SPARCL1: variants seen among roughly 807,000 people sequenced by gnomAD.
SPARCL1 encodes the protein SPARC like 1.
SPARCL1 carries 52 observed loss-of-function variants against 67.1 expected under a neutral mutation model. The ratio of observed to expected loss-of-function variants is 0.78; its 90% CI spans 0.62 to 0.98. The LOEUF is 0.98. SPARCL1 is among the 50% of genes least tolerant of loss of function. The pLI is 0.00. For synonymous variants in SPARCL1, 226 were observed against 267.8 expected (o/e 0.84, Z 1.52); for missense variants, 717 against 782.4 (o/e 0.92, Z 1.00).
chr4:87,511,689 G>T lies in SPARCL1; in HGVS notation c.-11-12104C>A, dbSNP rs182937070. Among the ~76,000 whole-genome samples the T allele has an allele frequency of 5.3e-5, 8 of 152,204 alleles. No individual in the cohort carries two copies. In the East Asian group the frequency reaches 1.4e-3, roughly 26 times the overall value. Reference sequence around the variant, plus strand: ...GAGAGTTCAAAGCAAACAAGGTCAGGAAATTATCCATTGCCTCTGGAAGTG... The same window carrying T: ...GAGAGTTCAAAGCAAACAAGGTCAGTAAATTATCCATTGCCTCTGGAAGTG... On this transcript the variant is annotated intron_variant, in intron 1 of 10. Coordinates refer to ENST00000282470, the MANE Select transcript of SPARCL1 (RefSeq NM_004684.6).
At chr4:87,508,306 C>T (rs1725192694) in intron 1 of SPARCL1, among the ~76,000 whole-genome samples, 1 of 151,960 alleles carries the variant, frequency 6.6e-6, no homozygotes, top group Non-Finnish European at 1.5e-5. Context: ...AAGCATGCTC[C>T]CACCTCAACC....
At position 87,485,330 on chromosome 4, in the gene SPARCL1, G is replaced by GT. The variant is rs543281083; in HGVS notation, c.1532-2771dup. 1.4e-4 allele frequency among the ~76,000 whole-genome samples: 21 copies of GT among 152,216 alleles called. No homozygotes were observed. In the East Asian group the frequency reaches 4.0e-3, roughly 29 times the overall value. On this transcript the variant is annotated intron_variant, in intron 7 of 10. Transcript: ENST00000282470. ...CTGCATCTATTGAGATAATCATGTG[G>GT]TTTTTGTCATTAGTTCTGTTTATGT... is the stretch of plus-strand genomic sequence containing the variant.
intron 10 of SPARCL1, 94 bp from the exon 11 acceptor site, chr4:87,473,897 T>G (rs190747663): frequency 5.8e-5 from 48 of 824,518 alleles, no homozygotes; most frequent in Admixed American, 2.5e-4. Flanking sequence ...AGAAACCATC[T>G]AATAAGGCAG....
chr4:87,490,753 T>C lies in SPARCL1; in HGVS notation c.1410+7A>G. 3 of 1,556,444 alleles carry C rather than the reference T, an allele frequency of 1.9e-6. No homozygotes were observed. The highest frequency in any genetic ancestry group is 2.6e-6 in the Non-Finnish European group (3 of 1,135,774). The stretch of plus-strand genomic sequence containing the variant: ...GCCACTTAAAGACTATTTTGCAGAA[T>C]ACTTACTTGATCAAGGGGTTTTGTT... On this transcript the variant is annotated splice_region_variant and intron_variant, in intron 6 of 10. Coordinates refer to ENST00000282470, the MANE Select transcript of SPARCL1 (RefSeq NM_004684.6).
intron 1 of SPARCL1, among the ~76,000 whole-genome samples, chr4:87,503,881 T>C (rs1267441700): frequency 6.6e-6 from 1 of 151,988 alleles, no homozygotes; most frequent in Non-Finnish European, 1.5e-5. Flanking sequence ...GGTTTCGCCA[T>C]GTTGCCCAGG....
intron 1 of SPARCL1, chr4:87,504,872 T>C (rs1213837821): frequency 6.6e-6 from 1 of 152,204 alleles, no homozygotes; most frequent in Non-Finnish European, 1.5e-5. Context: ...TCTTAGAAGG[T>C]TGGTTGGATT....
chr4:87,502,914 G>A (rs947613979), intron 1 of SPARCL1, among the ~76,000 whole-genome samples: 6 of 152,188 alleles, frequency 3.9e-5, no homozygotes, highest in African/African-American at 1.2e-4. Context: ...GATATTACAG[G>A]GAGATTTTCT....
chr4:87,483,452 T>C (rs1352428768), intron 7 of SPARCL1, among the ~76,000 whole-genome samples: 1 of 152,242 alleles, frequency 6.6e-6, no homozygotes, highest in African/African-American at 2.4e-5. Context: ...TTCCATGGTG[T>C]ATATGTGTCA....
intron 1 of SPARCL1, among the ~76,000 whole-genome samples, chr4:87,509,527 A>C (rs1194021646): frequency 6.6e-6 from 1 of 152,192 alleles, no homozygotes; most frequent in Non-Finnish European, 1.5e-5. Flanking sequence ...TAGCTGTATG[A>C]AGGATGTTCT....
intron 7 of SPARCL1, among the ~76,000 whole-genome samples, chr4:87,487,516 G>T (rs533644927): frequency 3.3e-5 from 5 of 152,160 alleles, no homozygotes; most frequent in Non-Finnish European, 5.9e-5. Context: ...CTGTCTGGCT[G>T]CCCTTAACAT....
chr4:87,526,524 C>T (rs1390917658), intron 1 of SPARCL1, among the ~76,000 whole-genome samples: 4 of 152,162 alleles, frequency 2.6e-5, no homozygotes, highest in East Asian at 1.9e-4. Flanking sequence ...GTATTATTAT[C>T]CCCATTTTGC....
At chr4:87,491,949 C>G (rs58264589) in intron 4 of SPARCL1, among the ~76,000 whole-genome samples, 9 of 70,296 alleles carry the variant, frequency 1.3e-4, no homozygotes, top group African/African-American at 1.6e-4. Context: ...TACCCACCCC[C>G]CCCCCCAAAA....
Position 87,486,319 on chromosome 4 carries a change from A to G in SPARCL1, c.1532-3759T>C, listed in dbSNP as rs550889278. Among the ~76,000 whole-genome samples the G allele has an allele frequency of 4.1e-4, 63 of 152,044 alleles. No homozygotes were observed. The Middle Eastern group carries it at 0.01, about 25-fold the overall frequency. ...TCCTTATTTCTGCCTTAATTTCGTT[A>G]TTTACCCAGTAGTCATTCAGGAGCA... On this transcript the variant is annotated intron_variant, in intron 7 of 10. Transcript: ENST00000282470.
intron 10 of SPARCL1, among the ~76,000 whole-genome samples, chr4:87,477,330 G>A (rs1021686107): frequency 1.3e-5 from 2 of 152,170 alleles, no homozygotes; most frequent in Admixed American, 1.3e-4. Context: ...TCTAGATAAT[G>A]GTGGGCAGGG....
chr4:87,489,555 G>A (rs536542610), intron 7 of SPARCL1, among the ~76,000 whole-genome samples: 7 of 152,288 alleles, frequency 4.6e-5, no homozygotes, highest in East Asian at 1.9e-4. Context: ...CACCAATGAC[G>A]TTGCCATTTT....
At chr4:87,508,782 A>ATGTGTGTGTGTGTGTGTGTGTG (rs71667857) in intron 1 of SPARCL1, among the ~76,000 whole-genome samples, 1 of 140,098 alleles carries the variant, frequency 7.1e-6, no homozygotes, top group African/African-American at 2.6e-5. Flanking sequence ...GATGAAACAT[A>ATGTGTGTGTGTGTGTGTGTGTG]TGTGTGTGTG....
At chr4:87,500,175 C>T (rs1724787056) in intron 1 of SPARCL1, among the ~76,000 whole-genome samples, 1 of 152,204 alleles carries the variant, frequency 6.6e-6, no homozygotes, top group African/African-American at 2.4e-5. Flanking sequence ...TTTCCAGTTT[C>T]TCTTGAACCA....
intron 1 of SPARCL1, among the ~76,000 whole-genome samples, chr4:87,518,101 A>G (rs567594142): frequency 3.3e-5 from 5 of 152,360 alleles, no homozygotes; most frequent in African/African-American, 1.2e-4. Context: ...ACCTTTTCTG[A>G]AAGAAGCAGA....
At chr4:87,489,278 T>C (rs533330173) in intron 7 of SPARCL1, among the ~76,000 whole-genome samples, 1 of 152,326 alleles carries the variant, frequency 6.6e-6, no homozygotes, top group East Asian at 1.9e-4. Flanking sequence ...AAAAGCGTAG[T>C]ATCTGGGCCA....
Sources: allele counts gnomAD v4.1 joint callset (sites outside exome capture counted in the v4.1 genomes callset), GRCh38; gene constraint gnomAD v4.1.1; transcripts MANE v1.5; gene names NCBI Gene and HGNC (gene_info 2026-07-23, HGNC 2026-07-21).